SPATA6L: variants seen among roughly 807,000 people sequenced by gnomAD.
SPATA6L encodes the protein spermatogenesis associated 6 like, also known as spermatogenesis associated 6-like protein.
In SPATA6L, 68 loss-of-function variants were observed where a neutral mutation model predicts 49.2. That is an observed-to-expected ratio of 1.38 (90% CI 1.14 to 1.69). The LOEUF is 1.69. Ranked by LOEUF, SPATA6L falls within the 40% of genes most tolerant of loss-of-function variation. The pLI is 0.00. For missense variants in SPATA6L, 668 were observed against 464.3 expected (o/e 1.44, Z -4.03); for synonymous variants, 198 against 165.7 (o/e 1.19, Z -1.50).
Position 4,629,181 on chromosome 9 carries a change from A to AT in SPATA6L, c.352-14dup. The AT allele has an allele frequency of 6.4e-7, 1 of 1,571,266 alleles. No homozygotes were observed. The highest frequency in any genetic ancestry group is 2.3e-5 in the East Asian group (1 of 44,430). ...TGGGAGCAATGCCCTATAAAACAGC[A>AT]TAAAAAAAGCAAATAAAATTACTAG... On this transcript the variant is annotated splice_polypyrimidine_tract_variant and intron_variant, in intron 4 of 11. Transcript: ENST00000682582.
intron 3 of SPATA6L, among the ~76,000 whole-genome samples, chr9:4,645,515 G>A (rs1194352700): frequency 6.6e-6 from 1 of 152,130 alleles, no homozygotes; most frequent in South Asian, 2.1e-4. Context: ...GAGCATGCTA[G>A]CTCAGGTCTC....
intron 5 of SPATA6L, 36 bp from the exon 6 acceptor site, chr9:4,625,602 A>G: frequency 7.2e-7 from 1 of 1,385,112 alleles, no homozygotes. Flanking sequence ...TTTTAAAATA[A>G]AGAAAGAAAA....
chr9:4,590,267 C>G (rs1821821734), intron 13 of SPATA6L, among the ~76,000 whole-genome samples: 1 of 152,080 alleles, frequency 6.6e-6, no homozygotes, highest in Non-Finnish European at 1.5e-5. Flanking sequence ...GTGAGTGTAC[C>G]TAAGTGTATA....
At chr9:4,605,941 C>T (rs58338727) in intron 9 of SPATA6L, among the ~76,000 whole-genome samples, 6,550 of 152,118 alleles carry the variant, frequency 0.043, 227 homozygotes, top group African/African-American at 0.098. Flanking sequence ...TGGGCGCAGG[C>T]CAGTGTGTGC....
At position 4,662,739 on chromosome 9, in the gene SPATA6L, G is replaced by A; in HGVS notation, c.40-703C>T. 1 of 1,603,320 alleles carries A rather than the reference G, an allele frequency of 6.2e-7. No homozygotes were observed. The highest frequency in any genetic ancestry group is 1.1e-5 in the South Asian group (1 of 91,084). The stretch of plus-strand genomic sequence containing the variant: ...GTCCAAGAAGCTGGGGGTGTGCGCG[G>A]GAGAGAGCTCGTCGTGGGGCAGCGT... On this transcript the variant is annotated intron_variant, in intron 1 of 11. Transcript: ENST00000682582. This position sits in a 1 kb window ranked among gnomAD's most constrained non-coding sequence, Gnocchi z 4.9.
At chr9:4,590,726 G>A (rs1379151215) in intron 13 of SPATA6L, among the ~76,000 whole-genome samples, 1 of 152,124 alleles carries the variant, frequency 6.6e-6, no homozygotes, top group Non-Finnish European at 1.5e-5. Context: ...AGAGAAACTT[G>A]CCTCACAAAA....
intron 2 of SPATA6L, among the ~76,000 whole-genome samples, chr9:4,660,917 A>G (rs565413374): frequency 6.6e-6 from 1 of 152,292 alleles, no homozygotes; most frequent in Non-Finnish European, 1.5e-5. Flanking sequence ...CATTCTCAGC[A>G]AACTATCACA....
chr9:4,609,999 A>G (rs1360238514), intron 9 of SPATA6L, among the ~76,000 whole-genome samples: 1 of 151,894 alleles, frequency 6.6e-6, no homozygotes, highest in Non-Finnish European at 1.5e-5. Flanking sequence ...TTATACACCA[A>G]CAACAGACAA....
chr9:4,615,723 T>C (rs957017387), intron 9 of SPATA6L, among the ~76,000 whole-genome samples: 3 of 152,156 alleles, frequency 2.0e-5, no homozygotes, highest in Non-Finnish European at 4.4e-5. Context: ...TCCTGTCTAG[T>C]ATGTGAGCCA....
chr9:4,616,559 T>C (rs1310964045), intron 9 of SPATA6L, among the ~76,000 whole-genome samples: 1 of 152,214 alleles, frequency 6.6e-6, no homozygotes, highest in Non-Finnish European at 1.5e-5. Context: ...TCTGACCACT[T>C]GTCTCTGTGT....
intron 3 of SPATA6L, among the ~76,000 whole-genome samples, chr9:4,654,370 G>A (rs1361793509): frequency 6.6e-6 from 1 of 152,202 alleles, no homozygotes; most frequent in Non-Finnish European, 1.5e-5. Context: ...CTCTAGAGGA[G>A]CAGACAGACG....
At chr9:4,655,644 G>A (rs1387129223) in intron 3 of SPATA6L, among the ~76,000 whole-genome samples, 1 of 151,890 alleles carries the variant, frequency 6.6e-6, no homozygotes, top group Non-Finnish European at 1.5e-5. Context: ...CGCCTCCCAG[G>A]TTTAAGCGAT....
At chr9:4,630,509 C>T (rs939455318) in intron 4 of SPATA6L, among the ~76,000 whole-genome samples, 1 of 152,150 alleles carries the variant, frequency 6.6e-6, no homozygotes, top group Admixed American at 6.5e-5. Context: ...CACCACCTGG[C>T]CAAGTTACTT....
chr9:4,614,804 G>C (rs1184878690), intron 9 of SPATA6L, among the ~76,000 whole-genome samples: 2 of 152,114 alleles, frequency 1.3e-5, no homozygotes, highest in African/African-American at 2.4e-5. Flanking sequence ...GTCCAACTAG[G>C]TCCCAAGTTA....
chr9:4,628,945 T>C (rs1830878151), intron 5 of SPATA6L, 146 bp downstream of exon 5: 1 of 629,654 alleles, frequency 1.6e-6, no homozygotes, highest in East Asian at 2.9e-5. Flanking sequence ...GTTTGAATTA[T>C]AGAAATACAA....
At chr9:4,603,581 C>T (rs1252443327) in intron 11 of SPATA6L, among the ~76,000 whole-genome samples, 2 of 152,156 alleles carry the variant, frequency 1.3e-5, no homozygotes, top group African/African-American at 4.8e-5. Flanking sequence ...AAATGTGATT[C>T]CATTGTATGG....
intron 9 of SPATA6L, among the ~76,000 whole-genome samples, chr9:4,616,053 C>T (rs1827905981): frequency 6.6e-6 from 1 of 152,130 alleles, no homozygotes; most frequent in Admixed American, 6.5e-5. Flanking sequence ...AAGACAATTG[C>T]TTGAGCCCAG....
chr9:4,614,880 G>A (rs1452895983), intron 9 of SPATA6L, among the ~76,000 whole-genome samples: 3 of 152,168 alleles, frequency 2.0e-5, no homozygotes, highest in Non-Finnish European at 4.4e-5. Flanking sequence ...ATAAAACTCT[G>A]GTCTGCAGCT....
At chr9:4,615,812 TCA>T (rs1827853654) in intron 9 of SPATA6L, among the ~76,000 whole-genome samples, 1 of 152,150 alleles carries the variant, frequency 6.6e-6, no homozygotes, top group South Asian at 2.1e-4. Context: ...ATACAGTCTC[TCA>T]GAAAAGCTTG....
Sources: gnomAD v4.1 joint callset for allele counts (sites outside exome capture counted in the v4.1 genomes callset) on GRCh38, gnomAD v4.1.1 for gene constraint, Gnocchi (gnomAD v3.1) non-coding constraint, MANE v1.5 for transcripts, NCBI Gene and HGNC (gene_info 2026-07-23, HGNC 2026-07-21) for gene names.